The following CYP24A1 variants were observed in gnomAD, a reference collection of about 807,000 sequenced individuals.
The protein encoded by CYP24A1 is cytochrome P450 family 24 subfamily A member 1.
In CYP24A1, 68 loss-of-function variants were observed where a neutral mutation model predicts 62.4. That is an observed-to-expected ratio of 1.09 (90% CI 0.90 to 1.33). The LOEUF is 1.33. Among genes scored for constraint, CYP24A1 ranks in the 40% most tolerant of loss-of-function variants. CYP24A1 has a pLI of 0.00. For missense variants in CYP24A1, 787 were observed against 653.0 expected (o/e 1.21, Z -2.24); for synonymous variants, 267 against 253.0 (o/e 1.06, Z -0.52).
In CYP24A1 at chr20:54,158,937, G is replaced by A; in HGVS notation, c.1157+20C>T. On this transcript the variant is annotated intron_variant, in intron 8 of 11. Coordinates refer to ENST00000216862, the MANE Select transcript of CYP24A1 (RefSeq NM_000782.5). ...ACAGTGTTCTAACACATTTATATTGGCTCAGAGATAGGCTCTTACCTCATA... is the reference window on the plus strand; with the variant it reads ...ACAGTGTTCTAACACATTTATATTGACTCAGAGATAGGCTCTTACCTCATA... The A allele has an allele frequency of 6.2e-7, 1 of 1,614,070 alleles. No homozygotes were observed.
the CYP24A1 span, among the ~76,000 whole-genome samples, chr20:54,147,079 G>T: frequency 1.3e-5 from 2 of 152,312 alleles, no homozygotes; most frequent in African/African-American, 2.4e-5. Context: ...ACCAAGAAGT[G>T]CAGGGAAATG....
chr20:54,162,528 G>A (rs796607261), intron 7 of CYP24A1, 189 bp downstream of exon 7: 9 of 605,248 alleles, frequency 1.5e-5, no homozygotes, highest in Non-Finnish European at 2.1e-5. Flanking sequence ...GAGGCCGTGC[G>A]CTGAGGCACC....
rs760588556 is a variant in CYP24A1, at chr20:54,173,518, G to C, written c.62C>G (p.Pro21Arg). The C allele has an allele frequency of 6.4e-7, 1 of 1,570,588 alleles. No individual in the cohort carries two copies. The highest frequency in any genetic ancestry group is 1.2e-5 in the South Asian group (1 of 86,244). The change falls in exon 1 of 12, where the codon CCG becomes CGG. Residue 21 changes from proline to arginine, a missense_variant. Transcript: ENST00000216862. The surrounding 1 kb of genome is among the most constrained non-coding windows in gnomAD (Gnocchi z 7.2). Reference protein sequence around the residue: ...LAAFLQQLRSPRQPPRLVTST... With the variant: ...LAAFLQQLRSRRQPPRLVTST... ...TGTCACCAGTCTCGGGGGCTGCCTC[G>C]GACTGCGCAGCTGCTGCAGGAAGGC...
chr20:54,173,451 G>A lies in CYP24A1; in HGVS notation c.129C>T (p.Val43=). ...YTSPQPREVP[V]CPLTAGGETQ... Reference sequence around the variant, plus strand: ...TCTCGCCACCAGCTGTCAGCGGGCAGACTGGCACCTCTCGCGGCTGAGGGG... The same window carrying A: ...TCTCGCCACCAGCTGTCAGCGGGCAAACTGGCACCTCTCGCGGCTGAGGGG... Residue 43 remains valine (V), a synonymous_variant, in exon 1 of 12, where the codon GTC becomes GTT. Coordinates refer to ENST00000216862, the MANE Select transcript of CYP24A1 (RefSeq NM_000782.5). The surrounding 1 kb of genome is among the most constrained non-coding windows in gnomAD (Gnocchi z 7.2). 3 of 1,568,464 alleles carry A rather than the reference G, an allele frequency of 1.9e-6. No individual in the cohort carries two copies. The highest frequency in any genetic ancestry group is 2.6e-6 in the Non-Finnish European group (3 of 1,156,510).
downstream of CYP24A1, among the ~76,000 whole-genome samples, chr20:54,152,340 C>T (rs949795455): frequency 6.6e-6 from 1 of 152,228 alleles, no homozygotes; most frequent in Admixed American, 6.5e-5. Flanking sequence ...AATGTACACT[C>T]CAGAGCTCCC....
intron 10 of CYP24A1, 37 bp from the exon 11 acceptor site, chr20:54,157,326 T>A: frequency 6.8e-7 from 1 of 1,476,592 alleles, no homozygotes; most frequent in Non-Finnish European, 9.5e-7. Context: ...GAATTACCCC[T>A]CTCTTCTTCT....
chr20:54,148,654 C>T (rs1568960967), downstream of CYP24A1, among the ~76,000 whole-genome samples: 1 of 152,010 alleles, frequency 6.6e-6, no homozygotes, highest in Non-Finnish European at 1.5e-5. Context: ...AACAAACAAA[C>T]AAAAAACCAG....
rs17219315 is a variant in CYP24A1, at chr20:54,171,907, A to G, written c.450-237T>C. 0.021 allele frequency: 21,593 copies of G among 1,037,038 alleles called. 257 individuals carry two copies. The highest frequency in any genetic ancestry group is 0.032 in the Middle Eastern group (93 of 2,918). 64.2% of individuals were successfully genotyped at this position (1,037,038 alleles called of 1,614,324 possible). On this transcript the variant is annotated intron_variant, in intron 2 of 11. Transcript: ENST00000216862. ...TTCCTCCTAGTCAAAGATTGCACCA[A>G]AAAGTTGAAGTCCAGATAATTTGGG...
At chr20:54,165,570 G>A (rs951595746) in intron 5 of CYP24A1, among the ~76,000 whole-genome samples, 172 bp downstream of exon 5, 2 of 152,050 alleles carry the variant, frequency 1.3e-5, no homozygotes, top group Non-Finnish European at 1.5e-5. Context: ...GGAGACAGCC[G>A]CATATATGCA....
At chr20:54,148,511 T>C (rs1359327859), downstream of CYP24A1, among the ~76,000 whole-genome samples, 1 of 152,014 alleles carries the variant, frequency 6.6e-6, no homozygotes, top group Non-Finnish European at 1.5e-5. Flanking sequence ...TCTTTTCTAC[T>C]GAAACAAATT....
chr20:54,172,389 G>T (rs2092697028), intron 2 of CYP24A1, among the ~76,000 whole-genome samples: 1 of 152,006 alleles, frequency 6.6e-6, no homozygotes, highest in African/African-American at 2.4e-5. Flanking sequence ...AGCATTTGTC[G>T]ACCTAAAACA....
At chr20:54,148,371 C>CACACACACACAG in the CYP24A1 span, among the ~76,000 whole-genome samples, 1 of 95,942 alleles carries the variant, frequency 1.0e-5, no homozygotes, top group Non-Finnish European at 2.0e-5. Flanking sequence ...GACACACAGA[C>CACACACACACAG]ACACACACAC....
At position 54,164,828 on chromosome 20, in the gene CYP24A1, T is replaced by TA. The variant is rs772562011; in HGVS notation, c.733-266dup. Among the ~76,000 whole-genome samples the TA allele has an allele frequency of 0.02, 2,464 of 122,834 alleles. 71 individuals are homozygous for TA. Among genetic ancestry groups the TA allele is most frequent in the African/African-American group, 0.064 (2,110 of 32,928 alleles). The allele number at this position is 122,834 out of a possible 152,430, so 80.6% of individuals were successfully genotyped here. On this transcript the variant is annotated intron_variant, in intron 5 of 11. Coordinates refer to ENST00000216862, the MANE Select transcript of CYP24A1 (RefSeq NM_000782.5). ...AAATTGTAATCTTATGACCTAATTG[T>TA]AAAAAAAAAAAAAAAAAGAGGAAAA...
intron 2 of CYP24A1, chr20:54,172,026 C>A (rs1386878123): frequency 5.5e-6 from 2 of 361,384 alleles, no homozygotes; most frequent in Non-Finnish European, 1.1e-5. Flanking sequence ...CACCCCATCA[C>A]CAGCAACTCA....
At chr20:54,151,616 G>A (rs1446477298), downstream of CYP24A1, among the ~76,000 whole-genome samples, 3 of 151,866 alleles carry the variant, frequency 2.0e-5, no homozygotes, top group Non-Finnish European at 2.9e-5. Flanking sequence ...GCATGATCTC[G>A]GCTCACTGCA....
rs1332203871 is a variant in CYP24A1 at position 54,154,116 on chromosome 20, A to G, written c.*656T>C. 6.6e-6 allele frequency: 1 copy of G among 152,104 alleles called. No individual in the cohort carries two copies. Among genetic ancestry groups the G allele is most frequent in the Non-Finnish European group, 1.5e-5 (1 of 67,998 alleles). 9.4% of individuals were successfully genotyped at this position (152,104 alleles called of 1,614,324 possible). ...GTCTGTGCTTCATATGCACATACAC[A>G]ATTTAAAAATTATTGCTTCATCTTT... On this transcript the variant is annotated 3_prime_UTR_variant, in exon 12 of 12. Transcript: ENST00000216862.
chr20:54,162,829 T>C lies in CYP24A1; in HGVS notation c.878A>G (p.Tyr293Cys). 6.4e-7 allele frequency: 1 copy of C among 1,568,386 alleles called. No homozygotes were observed. The highest frequency in any genetic ancestry group is 1.3e-5 in the African/African-American group (1 of 74,080). Residue 293 changes from tyrosine (Y) to cysteine (C), a missense_variant, in exon 7 of 12, where the codon TAT becomes TGT. By Grantham distance (194) the Tyr-to-Cys change is radical. Coordinates refer to ENST00000216862, the MANE Select transcript of CYP24A1 (RefSeq NM_000782.5). ...GAAATCTGCACTAGGCTGCTGAGAATACTTCTCTAACCGGTTGTCGATACA... is the reference window on the plus strand; with the variant it reads ...GAAATCTGCACTAGGCTGCTGAGAACACTTCTCTAACCGGTTGTCGATACA... ...KACIDNRLEKYSQQPSADFLC... is the reference protein window; with the variant it reads ...KACIDNRLEKCSQQPSADFLC...
chr20:54,165,546 G>A (rs879708742), intron 5 of CYP24A1, among the ~76,000 whole-genome samples, 196 bp downstream of exon 5: 1 of 152,134 alleles, frequency 6.6e-6, no homozygotes, highest in Non-Finnish European at 1.5e-5. Context: ...CTGGTCCCTG[G>A]TGCCAAAAAG....
chr20:54,167,826 A>G (rs1219760436), intron 4 of CYP24A1, among the ~76,000 whole-genome samples: 1 of 152,104 alleles, frequency 6.6e-6, no homozygotes, highest in East Asian at 1.9e-4. Flanking sequence ...AATATTTCTG[A>G]CCTTGAATTT....
Sources: gnomAD v4.1 joint callset for allele counts (sites outside exome capture counted in the v4.1 genomes callset) on GRCh38, gnomAD v4.1.1 for gene constraint, Gnocchi (gnomAD v3.1) non-coding constraint, MANE v1.5 for transcripts, NCBI Gene and HGNC (gene_info 2026-07-23, HGNC 2026-07-21) for gene names.